Variants in SLC44A1 observed in about 807,000 individuals in gnomAD.
SLC44A1 encodes the protein choline transporter-like protein 1.
In SLC44A1, 26 loss-of-function variants were observed where a neutral mutation model predicts 79.3. The observed-to-expected ratio is 0.33, with a 90% confidence interval of 0.24 to 0.46. The LOEUF (loss-of-function observed/expected upper bound fraction) is 0.46. SLC44A1 is among the 20% of genes least tolerant of loss of function. The pLI is 1.00. For missense variants in SLC44A1, 688 were observed against 798.1 expected (o/e 0.86, Z 1.66); for synonymous variants, 263 against 286.2 (o/e 0.92, Z 0.82).
chr9:105,381,109 C>G (rs765547558), intron 13 of SLC44A1, among the ~76,000 whole-genome samples: 15 of 152,094 alleles, frequency 9.9e-5, no homozygotes, highest in Non-Finnish European at 1.6e-4. Context: ...ACTAACTTTA[C>G]CATTTCAAAG....
chr9:105,269,286 ATT>A (rs1830028804), intron 1 of SLC44A1, among the ~76,000 whole-genome samples: 1 of 152,090 alleles, frequency 6.6e-6, no homozygotes, highest in African/African-American at 2.4e-5. Flanking sequence ...TTTTGTTTTT[ATT>A]TTTAAACATT....
intron 5 of SLC44A1, among the ~76,000 whole-genome samples, chr9:105,351,594 AAG>A (rs10687403): frequency 1.8e-4 from 19 of 107,874 alleles, no homozygotes; most frequent in Admixed American, 3.6e-4. Context: ...GAAAGAGAGA[AAG>A]AGAAAGAAAG....
chr9:105,340,592 G>A (rs1002861368), intron 4 of SLC44A1, among the ~76,000 whole-genome samples: 2 of 152,128 alleles, frequency 1.3e-5, no homozygotes, highest in African/African-American at 4.8e-5. Context: ...CCCACTTGAG[G>A]TAGTAACAGT....
At chr9:105,260,165 G>GT (rs1829807189) in intron 1 of SLC44A1, among the ~76,000 whole-genome samples, 1 of 152,144 alleles carries the variant, frequency 6.6e-6, no homozygotes, top group African/African-American at 2.4e-5. Context: ...GGTCAGAAAA[G>GT]TTTGAGAGGT....
Position 105,391,341 on chromosome 9 carries a change from C to T in SLC44A1, c.*2285C>T, listed in dbSNP as rs1169536712. 1 of 984,924 alleles carries T rather than the reference C, an allele frequency of 1.0e-6. No homozygotes were observed. Among genetic ancestry groups the T allele is most frequent in the Non-Finnish European group, 1.2e-6 (1 of 829,234 alleles). The allele number at this position is 984,924 out of a possible 1,614,324, so 61.0% of individuals were successfully genotyped here. A position where few individuals can be genotyped will look rare whatever the true frequency, so the allele number is the denominator to read the frequency against. Reference sequence around the variant, plus strand: ...AAAGAAATTTTGTATTTTTGTATAACTTGATTGTGTGCCATTTTATATAAC... The same window carrying T: ...AAAGAAATTTTGTATTTTTGTATAATTTGATTGTGTGCCATTTTATATAAC... On this transcript the variant is annotated 3_prime_UTR_variant, in exon 16 of 16. Transcript: ENST00000374720.
intron 1 of SLC44A1, among the ~76,000 whole-genome samples, chr9:105,251,111 A>G (rs1829575085): frequency 6.6e-6 from 1 of 152,194 alleles, no homozygotes; most frequent in African/African-American, 2.4e-5. Context: ...GCTGATCCTT[A>G]TATCCAACTG....
rs529943766 is a variant in SLC44A1, at chr9:105,335,641, G to A, written c.348G>A (p.Ala116=). The A allele has an allele frequency of 2.5e-5, 41 of 1,613,660 alleles. No homozygotes were observed. Among genetic ancestry groups the A allele is most frequent in the South Asian group, 1.6e-4 (15 of 91,014 alleles). ...KIKSVALCVA[A]CPRQELKTLS... Reference sequence around the variant, plus strand: ...AGTCTGTAGCACTGTGTGTAGCAGCGTGTCCAAGGCAAGAACTGAAAACTC... The same window carrying A: ...AGTCTGTAGCACTGTGTGTAGCAGCATGTCCAAGGCAAGAACTGAAAACTC... Residue 116 remains alanine, a synonymous_variant, in exon 4 of 16, where the codon GCG becomes GCA. Transcript: ENST00000374720.
chr9:105,328,113 T>G (rs1826638576), intron 3 of SLC44A1, among the ~76,000 whole-genome samples: 1 of 152,226 alleles, frequency 6.6e-6, no homozygotes, highest in African/African-American at 2.4e-5. Context: ...GTTTATTAAT[T>G]TGGGAAATAT....
intron 4 of SLC44A1, among the ~76,000 whole-genome samples, chr9:105,345,193 A>G (rs1014459692): frequency 1.3e-5 from 2 of 152,196 alleles, no homozygotes; most frequent in African/African-American, 4.8e-5. Context: ...AACACTTTAC[A>G]GTATTTTAAC....
At chr9:105,328,832 C>G (rs1217730360) in intron 3 of SLC44A1, among the ~76,000 whole-genome samples, 3 of 152,108 alleles carry the variant, frequency 2.0e-5, no homozygotes, top group Non-Finnish European at 4.4e-5. Flanking sequence ...TTGCCTCTTC[C>G]TAGTTAGGAT....
intron 1 of SLC44A1, among the ~76,000 whole-genome samples, chr9:105,298,335 TTTGTTGTTG>T (rs376740363): frequency 0.012 from 1,789 of 152,062 alleles, 33 homozygotes; most frequent in African/African-American, 0.041. Context: ...GAATCCCGTT[TTTGTTGTTG>T]TTGTTGTTGT....
intron 3 of SLC44A1, among the ~76,000 whole-genome samples, chr9:105,317,707 C>T (rs1831364444): frequency 6.6e-6 from 1 of 152,146 alleles, no homozygotes; most frequent in African/African-American, 2.4e-5. Context: ...GACTGGCACA[C>T]ACAGGAAGGT....
At chr9:105,245,548 C>T (rs1033512054) in intron 1 of SLC44A1, among the ~76,000 whole-genome samples, 4 of 152,238 alleles carry the variant, frequency 2.6e-5, no homozygotes, top group African/African-American at 9.6e-5. Context: ...GACCCGGGCC[C>T]CGCGGCCTCC....
intron 1 of SLC44A1, among the ~76,000 whole-genome samples, chr9:105,278,135 C>T (rs1391853034): frequency 6.6e-6 from 1 of 152,042 alleles, no homozygotes; most frequent in Non-Finnish European, 1.5e-5. Context: ...TGTCTCCACT[C>T]ACTGCAACCT....
At chr9:105,353,892 G>T (rs1015676889) in intron 5 of SLC44A1, among the ~76,000 whole-genome samples, 1 of 151,936 alleles carries the variant, frequency 6.6e-6, no homozygotes, top group African/African-American at 2.4e-5. Flanking sequence ...TAAAAATATG[G>T]TTAGAAGAGT....
In SLC44A1 at chr9:105,396,038, C is replaced by T; in HGVS notation, c.*6982C>T. On this transcript the variant is annotated 3_prime_UTR_variant, in exon 16 of 16. Coordinates refer to ENST00000374720, the MANE Select transcript of SLC44A1 (RefSeq NM_080546.5). ...CCTCTAGGTTCCTGTAGTCTGTGCT[C>T]AGAACTTGGTTTTTGGCCCCTATTG... 1.0e-6 allele frequency: 1 copy of T among 985,154 alleles called. No individual in the cohort carries two copies. Among genetic ancestry groups the T allele is most frequent in the Non-Finnish European group, 1.2e-6 (1 of 829,924 alleles). The allele number at this position is 985,154 out of a possible 1,614,324, so 61.0% of individuals were successfully genotyped here.
chr9:105,315,380 A>G (rs1160386220), intron 3 of SLC44A1, among the ~76,000 whole-genome samples: 1 of 151,876 alleles, frequency 6.6e-6, no homozygotes, highest in African/African-American at 2.4e-5. Context: ...TGTTTAATAA[A>G]CAGTGGTCTT....
chr9:105,432,206 G>C, intron 15 of SLC44A1, among the ~76,000 whole-genome samples: 1 of 152,200 alleles, frequency 6.6e-6, no homozygotes, highest in East Asian at 1.9e-4. Context: ...ACAGGGGTGA[G>C]CCACAGCATC....
rs147203232 is a variant in SLC44A1 at position 105,438,130 on chromosome 9, CTGTGTG to C, written c.1951-133_1951-128del. The C allele has an allele frequency of 2.0e-5, 10 of 496,014 alleles. 1 individual carries two copies. The highest frequency in any genetic ancestry group is 3.6e-5 in the Admixed American group (1 of 28,056). 30.7% of individuals were successfully genotyped at this position (496,014 alleles called of 1,614,324 possible). A position where few individuals can be genotyped will look rare whatever the true frequency, so the allele number is the denominator to read the frequency against. On this transcript the variant is annotated intron_variant, in intron 15 of 15. Transcript: ENST00000374724. ...CAGATATCTTTTTAAATTTGTTAAT[CTGTGTG>C]TGTGTGTGTGTGTGTGTAGCCTTCT...
Sources: allele counts gnomAD v4.1 joint callset (sites outside exome capture counted in the v4.1 genomes callset), GRCh38; gene constraint gnomAD v4.1.1; transcripts MANE v1.5; gene names NCBI Gene and HGNC (gene_info 2026-07-23, HGNC 2026-07-21).